Variants in SNRPD2 observed in about 807,000 individuals in gnomAD.
SNRPD2 encodes small nuclear ribonucleoprotein Sm D2.
SNRPD2 carries 1 observed loss-of-function variant against 11.5 expected under a neutral mutation model. That is an observed-to-expected ratio of 0.09 (90% CI 0.03 to 0.41). The LOEUF is 0.41. SNRPD2 is among the 10% of genes least tolerant of loss of function. The probability of loss-of-function intolerance (pLI) is 0.98; values close to 1 mark genes in which losing one functional copy is unlikely to be tolerated. For synonymous variants in SNRPD2, 63 were observed against 61.5 expected (o/e 1.02, Z -0.12); for missense variants, 77 against 154.9 (o/e 0.50, Z 2.67).
rs563084155 is a variant in SNRPD2, at chr19:45,687,794, C to T, written c.183-67G>A. On this transcript the variant is annotated intron_variant, in intron 2 of 2. Coordinates refer to ENST00000342669, the MANE Select transcript of SNRPD2 (RefSeq NM_001384647.1). The surrounding 1 kb of genome is among the most constrained non-coding windows in gnomAD (Gnocchi z 4.1). The stretch of plus-strand genomic sequence containing the variant: ...GTGCCTCTGACAGTGCCCCCTACTG[C>T]CTGCTGCTCGCCCCCTCCAGCAGCA... The T allele has an allele frequency of 7.6e-6, 10 of 1,318,814 alleles. No individual in the cohort carries two copies. The South Asian group carries it at 9.7e-5, about 13-fold the overall frequency. 81.7% of individuals were successfully genotyped at this position (1,318,814 alleles called of 1,614,324 possible). A position where few individuals can be genotyped will look rare whatever the true frequency, so the allele number is the denominator to read the frequency against.
rs189379768 is a variant in SNRPD2, at chr19:45,689,562, T to C, written c.3-996A>G. On this transcript the variant is annotated intron_variant, in intron 1 of 2. Transcript: ENST00000342669. The stretch of plus-strand genomic sequence containing the variant: ...AATAAAAAAAACAACCAACAGAAAA[T>C]TAGCCAGGCGTGGTGGTGCACGCCT... Among the ~76,000 whole-genome samples the C allele has an allele frequency of 6.3e-4, 96 of 152,028 alleles. 3 individuals are homozygous for C. Among genetic ancestry groups the C allele is most frequent in the Admixed American group, 6.0e-3 (92 of 15,246 alleles).
At position 45,687,604 on chromosome 19, in the gene SNRPD2, G is replaced by C. The variant is rs760607876; in HGVS notation, c.306C>G (p.Arg102=). ...KDRYISKMFL[R]GDSVIVVLRN... Reference sequence around the variant, plus strand: ...GCAGGACCACGATGACTGAGTCCCCGCGCAGGAACATCTTGGAGATGTAGC... The same window carrying C: ...GCAGGACCACGATGACTGAGTCCCCCCGCAGGAACATCTTGGAGATGTAGC... The change falls in exon 3 of 3, where the codon CGC becomes CGG. Residue 102 remains arginine, a synonymous_variant. Coordinates refer to ENST00000342669, the MANE Select transcript of SNRPD2 (RefSeq NM_001384647.1). This position sits in a 1 kb window ranked among gnomAD's most constrained non-coding sequence, Gnocchi z 4.1. The C allele has an allele frequency of 5.6e-6, 9 of 1,614,080 alleles. No individual in the cohort carries two copies. In the Admixed American group the frequency reaches 8.3e-5, roughly 15 times the overall value.
intron 1 of SNRPD2, among the ~76,000 whole-genome samples, chr19:45,689,789 T>C (rs928351942): frequency 6.6e-6 from 1 of 151,812 alleles, no homozygotes; most frequent in African/African-American, 2.4e-5. Flanking sequence ...ATCCCAGCAC[T>C]TTGGGAGGCC....
intron 1 of SNRPD2, among the ~76,000 whole-genome samples, chr19:45,690,045 A>T (rs950495922): frequency 1.3e-4 from 20 of 150,098 alleles, no homozygotes; most frequent in African/African-American, 4.7e-4. Context: ...TCAAAAAAAA[A>T]ATTAGGCCGG....
intron 1 of SNRPD2, among the ~76,000 whole-genome samples, chr19:45,689,663 G>C (rs1967488750): frequency 6.6e-6 from 1 of 152,210 alleles, no homozygotes. Flanking sequence ...AGTGAAGTGA[G>C]ATCATGCCAC....
At chr19:45,691,799 C>T in intron 1 of SNRPD2, 88 bp downstream of exon 1, 1 of 1,526,466 alleles carries the variant, frequency 6.6e-7, no homozygotes, top group Non-Finnish European at 9.1e-7. Flanking sequence ...CCCTGCCCCC[C>T]CCGCTCTGCT....
chr19:45,687,520 G>A lies in SNRPD2; in HGVS notation c.*33C>T. On this transcript the variant is annotated 3_prime_UTR_variant, in exon 3 of 3. Transcript: ENST00000342669. The surrounding 1 kb of genome is among the most constrained non-coding windows in gnomAD (Gnocchi z 4.1). ...CAATGGCAGCGGTCTTCATAGGACA[G>A]AGGAGTGAGTTCTGTCAACAGACAG... 6.2e-7 allele frequency: 1 copy of A among 1,603,304 alleles called. No individual in the cohort carries two copies. Among genetic ancestry groups the A allele is most frequent in the South Asian group, 1.1e-5 (1 of 90,716 alleles).
intron 1 of SNRPD2, among the ~76,000 whole-genome samples, chr19:45,689,799 C>T (rs938429204): frequency 6.6e-6 from 1 of 151,628 alleles, no homozygotes; most frequent in South Asian, 2.1e-4. Flanking sequence ...TTTGGGAGGC[C>T]GACGCGAGGT....
chr19:45,687,677 G>A lies in SNRPD2; in HGVS notation c.233C>T (p.Pro78Leu), dbSNP rs1329971599. Residue 78 changes from proline to leucine, a missense_variant, in exon 3 of 3, where the codon CCC becomes CTC. Coordinates refer to ENST00000342669, the MANE Select transcript of SNRPD2 (RefSeq NM_001384647.1). This position sits in a 1 kb window ranked among gnomAD's most constrained non-coding sequence, Gnocchi z 4.1. The part of the protein sequence containing the change: ...ENVKEMWTEV[P>L]KSGKGKKKSK... The stretch of plus-strand genomic sequence containing the variant: ...CTTCTTCTTGCCCTTGCCACTCTTG[G>A]GTACCTCAGTCCACATCTCCTTCAC... 2 of 1,614,022 alleles carry A rather than the reference G, an allele frequency of 1.2e-6. No homozygotes were observed. Among genetic ancestry groups the A allele is most frequent in the Non-Finnish European group, 1.7e-6 (2 of 1,179,896 alleles).
chr19:45,689,954 T>C (rs1457819158), intron 1 of SNRPD2, among the ~76,000 whole-genome samples: 1 of 150,860 alleles, frequency 6.6e-6, no homozygotes, highest in Non-Finnish European at 1.5e-5. Flanking sequence ...GCAGAAACGC[T>C]TGAGCCCCAG....
rs372304942 is a variant in SNRPD2 at position 45,690,175 on chromosome 19, C to T, written c.3-1609G>A. On this transcript the variant is annotated intron_variant, in intron 1 of 2. Transcript: ENST00000342669. ...TGAAACCCCGTCTCTACTGAAAATACAAAAAATTAGCCGGGCGAGGTGGCG... is the reference window on the plus strand; with the variant it reads ...TGAAACCCCGTCTCTACTGAAAATATAAAAAATTAGCCGGGCGAGGTGGCG... Among the ~76,000 whole-genome samples, 610 of 149,684 alleles carry T rather than the reference C, an allele frequency of 4.1e-3. 7 individuals are homozygous for T. The highest frequency in any genetic ancestry group is 0.015 in the African/African-American group (591 of 40,634).
chr19:45,687,605 C>T lies in SNRPD2; in HGVS notation c.305G>A (p.Arg102His). The change falls in exon 3 of 3, where the codon CGC (arginine) becomes CAC (histidine). Residue 102 changes from arginine (R) to histidine (H), a missense_variant. Physicochemically the swap from Arg to His is conservative, Grantham distance 29. Transcript: ENST00000342669. This position sits in a 1 kb window ranked among gnomAD's most constrained non-coding sequence, Gnocchi z 4.1. ...CAGGACCACGATGACTGAGTCCCCGCGCAGGAACATCTTGGAGATGTAGCG... is the reference window on the plus strand; with the variant it reads ...CAGGACCACGATGACTGAGTCCCCGTGCAGGAACATCTTGGAGATGTAGCG... Reference protein sequence around the residue: ...KDRYISKMFLRGDSVIVVLRN... With the variant: ...KDRYISKMFLHGDSVIVVLRN... 4 of 1,614,214 alleles carry T rather than the reference C, an allele frequency of 2.5e-6. No homozygotes were observed. Among genetic ancestry groups the T allele is most frequent in the Non-Finnish European group, 3.4e-6 (4 of 1,180,026 alleles).
At chr19:45,690,093 A>G (rs11879227) in intron 1 of SNRPD2, among the ~76,000 whole-genome samples, 25,065 of 151,216 alleles carry the variant, frequency 0.17, 2,198 homozygotes, top group East Asian at 0.19. Context: ...GCACTTTGGG[A>G]GGCCGAGGCG....
chr19:45,692,080 G>A, upstream of SNRPD2: 1 of 1,489,204 alleles, frequency 6.7e-7, no homozygotes. Flanking sequence ...TAAAAGCTTC[G>A]GGTAGGGGTT....
In SNRPD2 at chr19:45,688,892, C is replaced by A. The variant is rs1967472468; in HGVS notation, c.3-326G>T. On this transcript the variant is annotated intron_variant, in intron 1 of 2. Transcript: ENST00000342669. The surrounding 1 kb of genome is among the most constrained non-coding windows in gnomAD (Gnocchi z 4.1). ...GGACTACAGGCATGCACCACCTCCA[C>A]GCCCAGCTAATTTTTGTATTTTAGT... Among the ~76,000 whole-genome samples the A allele has an allele frequency of 6.6e-6, 1 of 152,104 alleles. No individual in the cohort carries two copies. The highest frequency in any genetic ancestry group is 1.5e-5 in the Non-Finnish European group (1 of 68,018).
At chr19:45,689,032 C>T (rs912540872) in intron 1 of SNRPD2, among the ~76,000 whole-genome samples, 2 of 152,186 alleles carry the variant, frequency 1.3e-5, no homozygotes, top group Non-Finnish European at 2.9e-5. Flanking sequence ...CGTGCCCAGC[C>T]AGACATTTTC....
upstream of SNRPD2, chr19:45,691,978 C>T: frequency 6.2e-7 from 1 of 1,612,822 alleles, no homozygotes. Flanking sequence ...TCCTGCGACC[C>T]ACTTCCGTTG....
upstream of SNRPD2, chr19:45,692,001 A>G: frequency 6.2e-7 from 1 of 1,610,428 alleles, no homozygotes; most frequent in Admixed American, 1.7e-5. Context: ...GCCTGCGCAA[A>G]GCCAACCAGT....
chr19:45,690,826 C>T (rs978441430), intron 1 of SNRPD2, among the ~76,000 whole-genome samples: 3 of 133,568 alleles, frequency 2.2e-5, no homozygotes, highest in African/African-American at 9.0e-5. Context: ...AGCAAGGCTC[C>T]GTCTCAAAAA....
Sources: allele counts gnomAD v4.1 joint callset (sites outside exome capture counted in the v4.1 genomes callset), GRCh38; gene constraint gnomAD v4.1.1; non-coding constraint Gnocchi (gnomAD v3.1); transcripts MANE v1.5; gene names NCBI Gene and HGNC (gene_info 2026-07-23, HGNC 2026-07-21).